Variants in MEF2C observed in about 807,000 individuals in gnomAD.
MEF2C encodes the protein myocyte enhancer factor 2C.
In MEF2C, 6 loss-of-function variants were observed where a neutral mutation model predicts 50.5. That is an observed-to-expected ratio of 0.12 (90% CI 0.07 to 0.23). The LOEUF is 0.23. Among genes scored for constraint, MEF2C ranks in the 10% least tolerant of loss-of-function variants. The pLI, the probability that MEF2C is intolerant of heterozygous loss-of-function variation, is 1.00. For missense variants in MEF2C, 276 were observed against 605.0 expected (o/e 0.46, Z 5.70); for synonymous variants, 183 against 228.0 (o/e 0.80, Z 1.78).
At chr5:88,802,511 A>G (rs1798783983) in intron 3 of MEF2C, among the ~76,000 whole-genome samples, 2 of 152,214 alleles carry the variant, frequency 1.3e-5, no homozygotes, top group Non-Finnish European at 2.9e-5. Flanking sequence ...CAGAGGCACA[A>G]TCTAGGCTCA....
At chr5:88,842,328 T>G (rs1441998419) in intron 1 of MEF2C, among the ~76,000 whole-genome samples, 2 of 152,010 alleles carry the variant, frequency 1.3e-5, no homozygotes, top group Non-Finnish European at 2.9e-5. Context: ...ATTAATAATA[T>G]TTTCCTAGCT....
chr5:88,856,373 G>C (rs567826391), intron 1 of MEF2C, among the ~76,000 whole-genome samples: 2 of 152,314 alleles, frequency 1.3e-5, no homozygotes, highest in South Asian at 4.1e-4. Context: ...TAAAAGTTCA[G>C]AAAATTTGCA....
intron 1 of MEF2C, among the ~76,000 whole-genome samples, chr5:88,871,636 G>T (rs558756224): frequency 6.6e-6 from 1 of 152,104 alleles, no homozygotes; most frequent in South Asian, 2.1e-4. Context: ...TCCAAAATAT[G>T]ATTTTTTTTG....
chr5:88,830,923 A>G (rs776781888), intron 1 of MEF2C, among the ~76,000 whole-genome samples: 1 of 152,128 alleles, frequency 6.6e-6, no homozygotes, highest in African/African-American at 2.4e-5. Context: ...TATTGAACAA[A>G]GCAAGTTAAG....
chr5:88,843,447 G>A (rs1818162876), intron 1 of MEF2C: 1 of 984,942 alleles, frequency 1.0e-6, no homozygotes, highest in Admixed American at 6.2e-5. Flanking sequence ...TTGCAAAAAT[G>A]AGGCAGACCA....
At chr5:88,884,152 C>T (rs946060102), upstream of MEF2C, among the ~76,000 whole-genome samples, 16 of 152,230 alleles carry the variant, frequency 1.1e-4, no homozygotes, top group Non-Finnish European at 1.9e-4. Flanking sequence ...GGCGCGCTCG[C>T]TTGCTCTCCG....
At chr5:88,743,450 G>A in intron 6 of MEF2C, 1 of 985,322 alleles carries the variant, frequency 1.0e-6, no homozygotes. Context: ...GAAAAATTAA[G>A]CATTGTCTGA....
intron 1 of MEF2C, among the ~76,000 whole-genome samples, chr5:88,898,522 TC>T: frequency 6.6e-6 from 1 of 152,236 alleles, no homozygotes; most frequent in Non-Finnish European, 1.5e-5. Context: ...CTGGTCATAG[TC>T]ACTTGAGGAA....
chr5:88,734,359 GTC>G, intron 6 of MEF2C: 2 of 985,246 alleles, frequency 2.0e-6, no homozygotes, highest in Non-Finnish European at 1.2e-6. Flanking sequence ...GGAGAAAAAA[GTC>G]TGTTAAGCAG....
chr5:88,781,171 T>C (rs764387921), intron 3 of MEF2C, among the ~76,000 whole-genome samples: 3 of 152,214 alleles, frequency 2.0e-5, no homozygotes, highest in Non-Finnish European at 4.4e-5. Context: ...ACAAGAAATA[T>C]ACATACATTA....
At position 88,760,411 on chromosome 5, in the gene MEF2C, CATG is replaced by C. The variant is rs1322309300; in HGVS notation, c.402+771_402+773del. On this transcript the variant is annotated intron_variant, in intron 4 of 10. Coordinates refer to ENST00000504921, the MANE Select transcript of MEF2C (RefSeq NM_002397.5). ...CTTTAAAATCACCCCAGCACACAAA[CATG>C]TTGAAATCTTACCATTAGGTTTCAT... Among the ~76,000 whole-genome samples, 3 of 152,108 alleles carry C rather than the reference CATG, an allele frequency of 2.0e-5. No individual in the cohort carries two copies. The East Asian group carries it at 5.8e-4, about 29-fold the overall frequency.
At chr5:88,902,294 T>C (rs1835748027) in intron 1 of MEF2C, among the ~76,000 whole-genome samples, 1 of 151,780 alleles carries the variant, frequency 6.6e-6, no homozygotes, top group African/African-American at 2.4e-5. Context: ...CATGACAAAA[T>C]ATATATGAAA....
chr5:88,868,749 T>C (rs1457873428), intron 1 of MEF2C, among the ~76,000 whole-genome samples: 1 of 152,122 alleles, frequency 6.6e-6, no homozygotes, highest in Non-Finnish European at 1.5e-5. Flanking sequence ...ATATTCCGAA[T>C]TACCCAAAAC....
chr5:88,748,002 T>C (rs1219437337), intron 6 of MEF2C: 1 of 956,970 alleles, frequency 1.0e-6, no homozygotes, highest in Non-Finnish European at 1.2e-6. Flanking sequence ...TCAAAAGATA[T>C]ATAAAATAGG....
chr5:88,826,952 A>G (rs2153225827), intron 1 of MEF2C: 1 of 151,900 alleles, frequency 6.6e-6, no homozygotes, highest in East Asian at 1.9e-4. Context: ...GTTACACTCT[A>G]TAGAATTACA....
chr5:88,876,490 C>T (rs1227182399), intron 1 of MEF2C, among the ~76,000 whole-genome samples: 1 of 151,938 alleles, frequency 6.6e-6, no homozygotes, highest in East Asian at 1.9e-4. Flanking sequence ...CTTAGTTGTA[C>T]CACCTTATTC....
At chr5:88,813,581 G>A (rs1354686781) in intron 2 of MEF2C, among the ~76,000 whole-genome samples, 1 of 151,986 alleles carries the variant, frequency 6.6e-6, no homozygotes, top group Non-Finnish European at 1.5e-5. Context: ...TTTAGAAACA[G>A]CAGCTACTCA....
intron 2 of MEF2C, among the ~76,000 whole-genome samples, chr5:88,807,536 AC>A (rs1801017074): frequency 6.6e-6 from 1 of 152,128 alleles, no homozygotes. Context: ...GCCTCGCCTC[AC>A]TTTAAATAAA....
At chr5:88,735,607 A>C in intron 6 of MEF2C, 1 of 978,698 alleles carries the variant, frequency 1.0e-6, no homozygotes, top group Non-Finnish European at 1.2e-6. Flanking sequence ...AACTTACATA[A>C]AGGATTAGAG....
Sources: allele counts gnomAD v4.1 joint callset (sites outside exome capture counted in the v4.1 genomes callset), GRCh38; gene constraint gnomAD v4.1.1; transcripts MANE v1.5; gene names NCBI Gene and HGNC (gene_info 2026-07-23, HGNC 2026-07-21).